The following SORCS2 variants were observed in gnomAD, a reference collection of about 807,000 sequenced individuals.
The protein encoded by SORCS2 is sortilin related VPS10 domain containing receptor 2.
SORCS2 carries 100 observed loss-of-function variants against 141.6 expected under a neutral mutation model. The ratio of observed to expected loss-of-function variants is 0.71; its 90% CI spans 0.60 to 0.83. The LOEUF (loss-of-function observed/expected upper bound fraction) is 0.83, where lower values mean the gene tolerates loss of function less well. Among genes scored for constraint, SORCS2 ranks in the 40% least tolerant of loss-of-function variants. SORCS2 has a pLI of 0.00. For synonymous variants in SORCS2, 789 were observed against 676.9 expected, an observed-to-expected ratio of 1.17 and a Z score of -2.57; for missense variants, 1,646 against 1,560.2, an observed-to-expected ratio of 1.05 and a Z score of -0.93.
intron 3 of SORCS2, among the ~76,000 whole-genome samples, chr4:7,542,331 G>A (rs745800392): frequency 1.3e-5 from 2 of 152,204 alleles, no homozygotes; most frequent in African/African-American, 2.4e-5. Flanking sequence ...GTCCTTCTTT[G>A]GGAATAGGGT....
At chr4:7,239,967 T>C (rs1389730081) in intron 1 of SORCS2, among the ~76,000 whole-genome samples, 2 of 152,140 alleles carry the variant, frequency 1.3e-5, no homozygotes, top group Admixed American at 6.5e-5. Flanking sequence ...CAGCCCTGAG[T>C]GTCTCGTGGT....
intron 1 of SORCS2, among the ~76,000 whole-genome samples, chr4:7,217,270 A>G (rs1171268668): frequency 3.3e-5 from 5 of 152,024 alleles, no homozygotes; most frequent in Non-Finnish European, 7.4e-5. Context: ...CCTCCATGAG[A>G]CCCGAGGACC....
intron 2 of SORCS2, among the ~76,000 whole-genome samples, chr4:7,405,811 A>C (rs2109139513): frequency 1.3e-5 from 2 of 152,078 alleles, no homozygotes; most frequent in East Asian, 3.9e-4. Context: ...CCTCTTTTCC[A>C]ATTTGGATGC....
chr4:7,522,751 T>C (rs1577692750), intron 2 of SORCS2, among the ~76,000 whole-genome samples: 1 of 62,764 alleles, frequency 1.6e-5, no homozygotes, highest in Admixed American at 1.8e-4. Context: ...TTCTTTCCTC[T>C]CCCTCCTTTT....
intron 12 of SORCS2, among the ~76,000 whole-genome samples, chr4:7,698,153 G>T (rs1213755322): frequency 6.6e-6 from 1 of 152,200 alleles, no homozygotes; most frequent in East Asian, 1.9e-4. Flanking sequence ...CGGGGAACAT[G>T]GTCTTTCTGG....
At chr4:7,416,799 C>A (rs1365433253) in intron 2 of SORCS2, among the ~76,000 whole-genome samples, 1 of 151,962 alleles carries the variant, frequency 6.6e-6, no homozygotes, top group Non-Finnish European at 1.5e-5. Context: ...TGTGCACACA[C>A]AAACATGCAT....
At chr4:7,574,592 A>G (rs1715623809) in intron 3 of SORCS2, among the ~76,000 whole-genome samples, 1 of 151,238 alleles carries the variant, frequency 6.6e-6, no homozygotes, top group African/African-American at 2.4e-5. Flanking sequence ...AGGGAGGGAG[A>G]GAGGCAGGGA....
intron 4 of SORCS2, among the ~76,000 whole-genome samples, chr4:7,639,879 G>A (rs563652787): frequency 2.0e-5 from 3 of 151,786 alleles, no homozygotes; most frequent in East Asian, 1.9e-4. Context: ...GTGTATGAGT[G>A]CATGGGTGTG....
In SORCS2 at chr4:7,233,159, G is replaced by A. The variant is rs967496288; in HGVS notation, c.480+40033G>A. 1.3e-5 allele frequency among the ~76,000 whole-genome samples: 2 copies of A among 152,182 alleles called. No homozygotes were observed. The highest frequency in any genetic ancestry group is 2.9e-5 in the Non-Finnish European group (2 of 68,016). On this transcript the variant is annotated intron_variant, in intron 1 of 26. Coordinates refer to ENST00000507866, the MANE Select transcript of SORCS2 (RefSeq NM_020777.3). This position sits in a 1 kb window ranked among gnomAD's most constrained non-coding sequence, Gnocchi z 4.5. ...GCGAGTCCCCAAGGTACCCGAGGGA[G>A]GCCAGGTACTGTCACTGCAGGCAGC...
chr4:7,597,834 C>T (rs115029040), intron 3 of SORCS2, among the ~76,000 whole-genome samples: 5,438 of 152,000 alleles, frequency 0.036, 151 homozygotes, highest in Non-Finnish European at 0.046. Flanking sequence ...GCAAAAGCTC[C>T]GTGGAACTGG....
intron 1 of SORCS2, among the ~76,000 whole-genome samples, chr4:7,230,687 C>A (rs563688514): frequency 8.0e-6 from 1 of 125,336 alleles, no homozygotes; most frequent in East Asian, 2.6e-4. Flanking sequence ...AGTCTCTGGG[C>A]AGGAGCAGTG....
At chr4:7,309,574 TG>T (rs1414462123) in intron 1 of SORCS2, among the ~76,000 whole-genome samples, 4 of 152,216 alleles carry the variant, frequency 2.6e-5, no homozygotes, top group African/African-American at 9.7e-5. Context: ...CACAGGCATG[TG>T]GCTTTGGCTT....
chr4:7,662,856 G>A (rs1272204372), intron 6 of SORCS2, among the ~76,000 whole-genome samples: 3 of 152,240 alleles, frequency 2.0e-5, no homozygotes, highest in African/African-American at 7.2e-5. Flanking sequence ...CAACCCATCA[G>A]CCTGAGAGGT....
intron 11 of SORCS2, 128 bp downstream of exon 11, chr4:7,689,716 T>A: frequency 1.2e-6 from 1 of 814,866 alleles, no homozygotes; most frequent in Non-Finnish European, 1.8e-6. Flanking sequence ...GCAGTACCAC[T>A]GCATCTCCAG....
intron 17 of SORCS2, 38 bp from the exon 18 acceptor site, chr4:7,717,974 T>C: frequency 6.5e-7 from 1 of 1,540,802 alleles, no homozygotes; most frequent in Admixed American, 2.0e-5. Flanking sequence ...CCTTGCCACC[T>C]GTCTGAAGCG....
Position 7,704,428 on chromosome 4 carries a change from A to G in SORCS2, c.1868+144A>G, listed in dbSNP as rs186693796. The G allele has an allele frequency of 1.2e-4, 86 of 728,742 alleles. 1 individual carries two copies. The highest frequency in any genetic ancestry group is 8.4e-4 in the Admixed American group (31 of 36,952). The allele number at this position is 728,742 out of a possible 1,614,324, so 45.1% of individuals were successfully genotyped here. A position where few individuals can be genotyped will look rare whatever the true frequency, so the allele number is the denominator to read the frequency against. On this transcript the variant is annotated intron_variant, in intron 14 of 26. Coordinates refer to ENST00000507866, the MANE Select transcript of SORCS2 (RefSeq NM_020777.3). ...GCCCCAGGTCCCCTTGCTGGTGAGG[A>G]CAGGACCGAGGCTCCAGGCCGGCTC...
chr4:7,550,948 G>C (rs2109632029), intron 3 of SORCS2, among the ~76,000 whole-genome samples: 1 of 152,292 alleles, frequency 6.6e-6, no homozygotes, highest in Non-Finnish European at 1.5e-5. Context: ...CTTTCCTGCG[G>C]GTGTCTTTTT....
intron 3 of SORCS2, among the ~76,000 whole-genome samples, chr4:7,606,290 G>A (rs554186899): frequency 7.9e-5 from 12 of 152,254 alleles, no homozygotes; most frequent in African/African-American, 2.6e-4. Flanking sequence ...AGCTAGGGTT[G>A]TTTTTAGCGA....
At chr4:7,740,070 T>G (rs1365423523) in intron 26 of SORCS2, 130 bp from the exon 27 acceptor site, 5 of 728,884 alleles carry the variant, frequency 6.9e-6, no homozygotes, top group African/African-American at 5.2e-5. Flanking sequence ...CTGCACGGGC[T>G]GAAGGAAGCC....
Sources: allele counts gnomAD v4.1 joint callset (sites outside exome capture counted in the v4.1 genomes callset), GRCh38; gene constraint gnomAD v4.1.1; non-coding constraint Gnocchi (gnomAD v3.1); transcripts MANE v1.5; gene names NCBI Gene and HGNC (gene_info 2026-07-23, HGNC 2026-07-21).